The following CPS1 variants were observed in gnomAD, a reference collection of about 807,000 sequenced individuals.
The protein encoded by CPS1 is carbamoyl-phosphate synthase [ammonia], mitochondrial.
A neutral mutation model predicts 174.6 loss-of-function variants in CPS1; 109 were observed. The observed-to-expected ratio is 0.62, with a 90% CI of 0.53 to 0.73. The LOEUF is 0.73. Ranked by LOEUF, CPS1 falls within the 30% of genes least tolerant of loss-of-function variation. CPS1 has a pLI of 0.00. For synonymous variants in CPS1, 637 were observed against 632.0 expected (o/e 1.01, Z -0.12); for missense variants, 1,689 against 1,821.9 (o/e 0.93, Z 1.33).
intron 21 of CPS1, among the ~76,000 whole-genome samples, chr2:210,623,205 G>A (rs964144157): frequency 2.0e-5 from 3 of 152,046 alleles, no homozygotes; most frequent in Non-Finnish European, 4.4e-5. Context: ...CGCTATTTAT[G>A]TTAGCAATGT....
chr2:210,577,452 A>G lies in CPS1; in HGVS notation c.413A>G (p.Lys138Arg), dbSNP rs1697751336. ...VSGLLVLDYSKDYNHWLATKS... is the reference protein window; with the variant it reads ...VSGLLVLDYSRDYNHWLATKS... ...GGTTTGCTGGTGCTGGATTATAGTA[A>G]AGACTACAACCACTGGCTGGCTACC... The change falls in exon 4 of 38, where the codon AAA (lysine) becomes AGA (arginine). Residue 138 changes from lysine to arginine, a missense_variant. Physicochemically the swap from Lys to Arg is conservative, Grantham distance 26 (BLOSUM62 2). Coordinates refer to ENST00000233072, the MANE Select transcript of CPS1 (RefSeq NM_001875.5). 6.2e-7 allele frequency: 1 copy of G among 1,613,938 alleles called. No homozygotes were observed. Among genetic ancestry groups the G allele is most frequent in the African/African-American group, 1.3e-5 (1 of 75,032 alleles).
intron 35 of CPS1, among the ~76,000 whole-genome samples, 169 bp from the exon 36 acceptor site, chr2:210,675,559 A>C (rs1260374158): frequency 6.6e-6 from 1 of 152,202 alleles, no homozygotes; most frequent in Non-Finnish European, 1.5e-5. Context: ...ATATATAAAA[A>C]ATGTTTAAAG....
At chr2:210,612,362 A>G in intron 20 of CPS1, 69 bp downstream of exon 20, 1 of 1,558,776 alleles carries the variant, frequency 6.4e-7, no homozygotes, top group East Asian at 2.3e-5. Context: ...GGACATTAAA[A>G]TAAAACTGAA....
At chr2:210,539,906 G>A (rs564727876) in intron 1 of CPS1, among the ~76,000 whole-genome samples, 2 of 152,246 alleles carry the variant, frequency 1.3e-5, no homozygotes, top group South Asian at 4.1e-4. Flanking sequence ...TGAATGCCAT[G>A]GGCTCTGTCT....
At chr2:210,566,192 G>T (rs879816658) in intron 1 of CPS1, among the ~76,000 whole-genome samples, 1 of 152,108 alleles carries the variant, frequency 6.6e-6, no homozygotes, top group Non-Finnish European at 1.5e-5. Context: ...ACTCCTCACA[G>T]CAGGGCAGCA....
intron 9 of CPS1, 98 bp downstream of exon 9, chr2:210,591,004 A>G: frequency 3.0e-6 from 2 of 666,808 alleles, no homozygotes; most frequent in East Asian, 3.0e-5. Context: ...TTTAGAGTAA[A>G]TAAATGCACA....
intron 13 of CPS1, among the ~76,000 whole-genome samples, chr2:210,597,322 G>C (rs184769024): frequency 6.6e-6 from 1 of 151,926 alleles, no homozygotes; most frequent in Non-Finnish European, 1.5e-5. Flanking sequence ...ATTGAGGAAA[G>C]AGCATAGGAT....
At chr2:210,624,019 A>G (rs1699620230) in intron 21 of CPS1, among the ~76,000 whole-genome samples, 1 of 152,138 alleles carries the variant, frequency 6.6e-6, no homozygotes, top group African/African-American at 2.4e-5. Flanking sequence ...CTAAATATAC[A>G]AGTAATTTAA....
intron 24 of CPS1, among the ~76,000 whole-genome samples, chr2:210,641,907 A>G (rs1700238289): frequency 6.6e-6 from 1 of 152,354 alleles, no homozygotes; most frequent in Non-Finnish European, 1.5e-5. Flanking sequence ...ATTACACTTC[A>G]GATTTCTTTA....
At chr2:210,502,047 G>C (rs1250238303) in intron 1 of CPS1, among the ~76,000 whole-genome samples, 1 of 152,096 alleles carries the variant, frequency 6.6e-6, no homozygotes, top group Non-Finnish European at 1.5e-5. Context: ...GAGAGAAAAT[G>C]AGTGCCGAGA....
chr2:210,664,831 G>A (rs184787155), intron 33 of CPS1, among the ~76,000 whole-genome samples: 176 of 152,136 alleles, frequency 1.2e-3, no homozygotes, highest in African/African-American at 4.1e-3. Flanking sequence ...AATATTACGA[G>A]GTCTGTTTTA....
intron 1 of CPS1, among the ~76,000 whole-genome samples, chr2:210,517,785 G>A (rs756847509): frequency 1.6e-4 from 24 of 151,986 alleles, no homozygotes; most frequent in Admixed American, 9.9e-4. Flanking sequence ...CATAAAGTTC[G>A]CAGTTAGAAG....
At chr2:210,666,089 T>C (rs1008513747) in intron 33 of CPS1, among the ~76,000 whole-genome samples, 1 of 151,964 alleles carries the variant, frequency 6.6e-6, no homozygotes, top group Admixed American at 6.6e-5. Context: ...ATGATGAGCA[T>C]TTTTTCATGT....
At chr2:210,639,543 C>T (rs1393751055) in intron 23 of CPS1, among the ~76,000 whole-genome samples, 8 of 136,720 alleles carry the variant, frequency 5.9e-5, no homozygotes, top group African/African-American at 1.9e-4. Flanking sequence ...ACCCGGGAAG[C>T]GGAGCTTGCA....
At chr2:210,557,178 A>G (rs1696939866) in intron 1 of CPS1, among the ~76,000 whole-genome samples, 2 of 152,078 alleles carry the variant, frequency 1.3e-5, no homozygotes, top group South Asian at 4.1e-4. Context: ...TATTGCTTAC[A>G]GTTTGGATTT....
chr2:210,583,347 C>G (rs140947052), intron 6 of CPS1, among the ~76,000 whole-genome samples: 170 of 152,186 alleles, frequency 1.1e-3, no homozygotes, highest in Middle Eastern at 3.4e-3. Flanking sequence ...CAGTCTCTGT[C>G]CTTGGGGAGC....
At chr2:210,587,633 T>C (rs1462366880) in intron 6 of CPS1, among the ~76,000 whole-genome samples, 1 of 152,084 alleles carries the variant, frequency 6.6e-6, no homozygotes, top group African/African-American at 2.4e-5. Flanking sequence ...TTACCCCATT[T>C]GATCTTTACT....
chr2:210,579,039 G>A (rs1697812536), intron 4 of CPS1, among the ~76,000 whole-genome samples: 1 of 151,960 alleles, frequency 6.6e-6, no homozygotes, highest in Non-Finnish European at 1.5e-5. Context: ...ATTTACCGGT[G>A]AGAACAAATA....
intron 35 of CPS1, among the ~76,000 whole-genome samples, chr2:210,675,377 G>A (rs1400397482): frequency 6.6e-6 from 1 of 152,168 alleles, no homozygotes; most frequent in Non-Finnish European, 1.5e-5. Context: ...TGATGGGCCT[G>A]TGGCCATGGG....
Sources: allele counts gnomAD v4.1 joint callset (sites outside exome capture counted in the v4.1 genomes callset), GRCh38; gene constraint gnomAD v4.1.1; transcripts MANE v1.5; gene names NCBI Gene and HGNC (gene_info 2026-07-23, HGNC 2026-07-21).